SYNDIG1: variants seen among roughly 807,000 people sequenced by gnomAD.
The protein encoded by SYNDIG1 is synapse differentiation-inducing gene protein 1.
SYNDIG1 carries 9 observed loss-of-function variants against 19.4 expected under a neutral mutation model. That is an observed-to-expected ratio of 0.46 (90% CI 0.28 to 0.81). The LOEUF is 0.81. Among genes scored for constraint, SYNDIG1 ranks in the 30% least tolerant of loss-of-function variants. The probability of loss-of-function intolerance (pLI) is 0.12; values close to 1 mark genes in which losing one functional copy is unlikely to be tolerated. For missense variants in SYNDIG1, 311 were observed against 343.3 expected, an observed-to-expected ratio of 0.91 and a Z score of 0.74; for synonymous variants, 141 against 145.9, an observed-to-expected ratio of 0.97 and a Z score of 0.24.
intron 3 of SYNDIG1, among the ~76,000 whole-genome samples, chr20:24,646,175 A>T (rs1192256682): frequency 6.6e-6 from 1 of 152,178 alleles, no homozygotes; most frequent in Non-Finnish European, 1.5e-5. Context: ...TGAGGAAACC[A>T]TGCATGTTCC....
At chr20:24,588,434 G>A (rs1360852036) in intron 3 of SYNDIG1, among the ~76,000 whole-genome samples, 1 of 152,240 alleles carries the variant, frequency 6.6e-6, no homozygotes, top group Non-Finnish European at 1.5e-5. Flanking sequence ...GTTCAGCGCT[G>A]GAGCCATGCA....
chr20:24,575,210 A>G (rs1382850525), intron 2 of SYNDIG1, among the ~76,000 whole-genome samples: 1 of 152,186 alleles, frequency 6.6e-6, no homozygotes, highest in Non-Finnish European at 1.5e-5. Context: ...CCCACTAATC[A>G]TGTCTATTGA....
intron 3 of SYNDIG1, among the ~76,000 whole-genome samples, chr20:24,622,834 C>T (rs558151500): frequency 4.1e-4 from 63 of 152,106 alleles, no homozygotes; most frequent in Admixed American, 3.3e-3. Flanking sequence ...AGACACCAAG[C>T]CACTGTCTTA....
intron 2 of SYNDIG1, among the ~76,000 whole-genome samples, chr20:24,561,781 T>C (rs2146883333): frequency 6.6e-6 from 1 of 152,348 alleles, no homozygotes; most frequent in East Asian, 1.9e-4. Context: ...GGGCGTGCAT[T>C]TCCCAACATG....
At chr20:24,514,858 T>C (rs2056828239) in intron 1 of SYNDIG1, among the ~76,000 whole-genome samples, 1 of 152,190 alleles carries the variant, frequency 6.6e-6, no homozygotes, top group Admixed American at 6.5e-5. Flanking sequence ...ATTCCAAAAT[T>C]GACCACATAG....
chr20:24,581,995 C>A (rs1281419249), intron 2 of SYNDIG1, among the ~76,000 whole-genome samples: 1 of 149,180 alleles, frequency 6.7e-6, no homozygotes, highest in African/African-American at 2.5e-5. Context: ...GCACAGTCTC[C>A]ATATTGCATG....
intron 2 of SYNDIG1, among the ~76,000 whole-genome samples, chr20:24,565,754 C>T (rs1158104811): frequency 3.3e-5 from 5 of 152,186 alleles, no homozygotes; most frequent in Non-Finnish European, 7.4e-5. Context: ...CCCACCTTCT[C>T]CTTCCCCCGC....
chr20:24,498,428 G>A (rs774424758), intron 1 of SYNDIG1, among the ~76,000 whole-genome samples: 6 of 152,150 alleles, frequency 3.9e-5, no homozygotes, highest in Non-Finnish European at 5.9e-5. Flanking sequence ...AGCCATAGGC[G>A]CTGAGCTGCA....
chr20:24,484,243 CA>C (rs1297394561), intron 1 of SYNDIG1, among the ~76,000 whole-genome samples: 1 of 152,102 alleles, frequency 6.6e-6, no homozygotes, highest in Non-Finnish European at 1.5e-5. Context: ...TTCTCTCAGG[CA>C]GGTGCTGTCA....
intron 3 of SYNDIG1, among the ~76,000 whole-genome samples, chr20:24,623,974 C>T (rs1186724844): frequency 1.3e-5 from 2 of 152,142 alleles, no homozygotes; most frequent in Non-Finnish European, 2.9e-5. Context: ...AAAAATGAGA[C>T]CCAACTGGCT....
chr20:24,560,448 A>G (rs2057918283), intron 2 of SYNDIG1, among the ~76,000 whole-genome samples: 1 of 152,064 alleles, frequency 6.6e-6, no homozygotes, highest in African/African-American at 2.4e-5. Flanking sequence ...TGTCATAACA[A>G]ATCTGCTGTT....
intron 1 of SYNDIG1, among the ~76,000 whole-genome samples, chr20:24,507,946 C>T (rs2056638240): frequency 6.6e-6 from 1 of 152,164 alleles, no homozygotes; most frequent in African/African-American, 2.4e-5. Flanking sequence ...TGCCTTCCTG[C>T]AGGGAAGCAC....
At chr20:24,579,354 G>A (rs1177221681) in intron 2 of SYNDIG1, among the ~76,000 whole-genome samples, 1 of 152,200 alleles carries the variant, frequency 6.6e-6, no homozygotes, top group Non-Finnish European at 1.5e-5. Context: ...CTCTGGTGAG[G>A]ACTAATAGTG....
chr20:24,649,843 A>G (rs1284620184), intron 3 of SYNDIG1, among the ~76,000 whole-genome samples: 2 of 152,354 alleles, frequency 1.3e-5, no homozygotes, highest in South Asian at 2.1e-4. Context: ...ATCATATTTC[A>G]CAGATAAACA....
intron 1 of SYNDIG1, among the ~76,000 whole-genome samples, chr20:24,491,037 T>C (rs889473097): frequency 6.6e-6 from 1 of 151,954 alleles, no homozygotes; most frequent in Non-Finnish European, 1.5e-5. Context: ...CTGTGGCAGG[T>C]AAGGGTCGGC....
intron 1 of SYNDIG1, among the ~76,000 whole-genome samples, chr20:24,538,630 C>T (rs1182848604): frequency 6.6e-6 from 1 of 152,204 alleles, no homozygotes; most frequent in East Asian, 1.9e-4. Context: ...AGTGGAATTT[C>T]TGGACCATAC....
chr20:24,526,696 T>C (rs2057131592), intron 1 of SYNDIG1, among the ~76,000 whole-genome samples: 1 of 152,210 alleles, frequency 6.6e-6, no homozygotes, highest in African/African-American at 2.4e-5. Flanking sequence ...AGCATTATTT[T>C]TCTTCTTCCT....
At chr20:24,554,282 T>C (rs2057766552) in intron 2 of SYNDIG1, among the ~76,000 whole-genome samples, 1 of 152,196 alleles carries the variant, frequency 6.6e-6, no homozygotes, top group Non-Finnish European at 1.5e-5. Context: ...CTTTTCCTAA[T>C]TGAATACCCC....
chr20:24,607,267 A>G (rs1222381080), intron 3 of SYNDIG1, among the ~76,000 whole-genome samples: 6 of 151,386 alleles, frequency 4.0e-5, no homozygotes. Flanking sequence ...AGGCTGAAGC[A>G]GGAGCATTGC....
Sources: allele counts gnomAD v4.1 joint callset (sites outside exome capture counted in the v4.1 genomes callset), GRCh38; gene constraint gnomAD v4.1.1; transcripts MANE v1.5; gene names NCBI Gene and HGNC (gene_info 2026-07-23, HGNC 2026-07-21).